Variants in RABGAP1L observed in about 807,000 individuals in gnomAD.
The protein encoded by RABGAP1L is RAB GTPase activating protein 1 like, also known as rab GTPase-activating protein 1-like.
RABGAP1L carries 63 observed loss-of-function variants against 137.7 expected under a neutral mutation model. The observed-to-expected ratio is 0.46, with a 90% CI of 0.37 to 0.56. The LOEUF (loss-of-function observed/expected upper bound fraction) is 0.56. Among genes scored for constraint, RABGAP1L ranks in the 20% least tolerant of loss-of-function variants. The probability of loss-of-function intolerance (pLI) is 0.00; values close to 1 mark genes in which losing one functional copy is unlikely to be tolerated. For synonymous variants in RABGAP1L, 431 were observed against 433.7 expected (o/e 0.99, Z 0.08); for missense variants, 1,095 against 1,244.0 (o/e 0.88, Z 1.80).
At chr1:174,291,296 C>G (rs1278268715) in intron 10 of RABGAP1L, among the ~76,000 whole-genome samples, 2 of 151,808 alleles carry the variant, frequency 1.3e-5, no homozygotes, top group East Asian at 3.9e-4. Context: ...GCCAACCTTG[C>G]ATTCCTTAGG....
intron 17 of RABGAP1L, among the ~76,000 whole-genome samples, chr1:174,712,250 T>C (rs1369726376): frequency 6.6e-6 from 1 of 152,202 alleles, no homozygotes; most frequent in South Asian, 2.1e-4. Context: ...CCTTCCGGAC[T>C]GTGGAAGCTT....
At chr1:174,295,626 C>T (rs529279311) in intron 10 of RABGAP1L, among the ~76,000 whole-genome samples, 1 of 151,648 alleles carries the variant, frequency 6.6e-6, no homozygotes, top group South Asian at 2.1e-4. Flanking sequence ...CATTGTGATG[C>T]ACCTGCCTCG....
intron 12 of RABGAP1L, among the ~76,000 whole-genome samples, chr1:174,380,740 C>T (rs1489866345): frequency 8.5e-6 from 1 of 117,984 alleles, no homozygotes; most frequent in African/African-American, 3.3e-5. Context: ...AAAAAACCAG[C>T]TCCTGGATTC....
intron 19 of RABGAP1L, among the ~76,000 whole-genome samples, chr1:174,822,012 C>A (rs1462768739): frequency 6.6e-6 from 1 of 152,192 alleles, no homozygotes; most frequent in Non-Finnish European, 1.5e-5. Context: ...CCTGTAATCC[C>A]AGCCCTTTGG....
intron 13 of RABGAP1L, among the ~76,000 whole-genome samples, chr1:174,627,141 TAAA>T (rs1433489501): frequency 6.6e-6 from 1 of 152,110 alleles, no homozygotes; most frequent in Non-Finnish European, 1.5e-5. Context: ...TAGGGATTAA[TAAA>T]AAAAGATGCT....
At chr1:174,705,020 AAC>A (rs1487318079) in intron 17 of RABGAP1L, among the ~76,000 whole-genome samples, 1 of 152,138 alleles carries the variant, frequency 6.6e-6, no homozygotes, top group Non-Finnish European at 1.5e-5. Flanking sequence ...ATGACATTTT[AAC>A]AGTTTTTGAG....
chr1:174,984,981 ATG>A (rs1671462600), intron 24 of RABGAP1L, among the ~76,000 whole-genome samples: 1 of 152,330 alleles, frequency 6.6e-6, no homozygotes, highest in African/African-American at 2.4e-5. Context: ...ACAGAGACTG[ATG>A]TGATTAGAAT....
At chr1:174,311,655 G>T (rs1678863507) in intron 11 of RABGAP1L, among the ~76,000 whole-genome samples, 3 of 152,150 alleles carry the variant, frequency 2.0e-5, no homozygotes, top group African/African-American at 7.2e-5. Context: ...TGCCCAGGCT[G>T]GAGTGCAGTG....
chr1:174,620,396 T>A (rs990269475), intron 13 of RABGAP1L, among the ~76,000 whole-genome samples: 15 of 152,108 alleles, frequency 9.9e-5, no homozygotes, highest in Admixed American at 6.5e-4. Flanking sequence ...AAAGCACTCC[T>A]CAGCAAATGT....
intron 13 of RABGAP1L, among the ~76,000 whole-genome samples, chr1:174,449,684 A>G (rs964556585): frequency 6.6e-6 from 1 of 152,246 alleles, no homozygotes; most frequent in Non-Finnish European, 1.5e-5. Context: ...CTTTAATCAC[A>G]CTAATCTATA....
At chr1:174,688,185 C>G (rs1191835075) in intron 15 of RABGAP1L, among the ~76,000 whole-genome samples, 1 of 151,994 alleles carries the variant, frequency 6.6e-6, no homozygotes, top group African/African-American at 2.4e-5. Flanking sequence ...GTCTTTATCT[C>G]TTAGTCTTAA....
intron 5 of RABGAP1L, among the ~76,000 whole-genome samples, chr1:174,242,630 G>A (rs1162662556): frequency 6.6e-6 from 1 of 152,158 alleles, no homozygotes; most frequent in Non-Finnish European, 1.5e-5. Context: ...GTCAGTTCTT[G>A]TGCCCTGGTG....
chr1:174,769,343 C>G (rs1685929008), intron 18 of RABGAP1L, among the ~76,000 whole-genome samples: 1 of 151,832 alleles, frequency 6.6e-6, no homozygotes, highest in South Asian at 2.1e-4. Flanking sequence ...GTTGGTGGGT[C>G]CAGGTGGAGC....
At chr1:174,820,589 C>T (rs1690913955) in intron 19 of RABGAP1L, among the ~76,000 whole-genome samples, 1 of 152,000 alleles carries the variant, frequency 6.6e-6, no homozygotes, top group Non-Finnish European at 1.5e-5. Flanking sequence ...AGAAAAGGGC[C>T]TGGGAGAAGG....
At chr1:174,893,943 A>G (rs1022496049) in intron 19 of RABGAP1L, among the ~76,000 whole-genome samples, 4 of 152,202 alleles carry the variant, frequency 2.6e-5, no homozygotes, top group African/African-American at 7.2e-5. Context: ...AGGGAAGTGC[A>G]TTAAGGTACC....
chr1:174,483,440 C>G (rs1054177719), intron 13 of RABGAP1L, among the ~76,000 whole-genome samples: 3 of 152,346 alleles, frequency 2.0e-5, no homozygotes, highest in South Asian at 2.1e-4. Flanking sequence ...CTTCACGTTT[C>G]ATCCATGTTG....
In RABGAP1L at chr1:174,275,844, A is replaced by G. The variant is rs202068518; in HGVS notation, c.1065A>G (p.Gly355=). The change falls in exon 9 of 26, where the codon GGA becomes GGG. Residue 355 remains glycine (G), a synonymous_variant. Coordinates refer to ENST00000681986, the MANE Select transcript of RABGAP1L (RefSeq NM_001366446.1). The stretch of plus-strand genomic sequence containing the variant: ...TTGAATTTTTATAGGAATCCATGGG[A>G]AAGAGCTATGATGGGAGAGCTTATG... ...DMHLLDMESM[G]KSYDGRAYVI... is the part of the protein sequence containing the mutation. The G allele has an allele frequency of 9.5e-5, 153 of 1,610,042 alleles. 2 individuals carry two copies. In the Middle Eastern group the frequency reaches 5.3e-3, roughly 55 times the overall value.
intron 13 of RABGAP1L, among the ~76,000 whole-genome samples, chr1:174,577,351 T>C (rs2148072458): frequency 6.6e-6 from 1 of 151,704 alleles, no homozygotes; most frequent in South Asian, 2.1e-4. Context: ...TATAAATATG[T>C]ACATATAGTC....
At chr1:174,892,869 A>G (rs987193813) in intron 19 of RABGAP1L, among the ~76,000 whole-genome samples, 2 of 145,774 alleles carry the variant, frequency 1.4e-5, no homozygotes, top group Non-Finnish European at 3.0e-5. Context: ...AGCTGGGATT[A>G]CAGGCGCCCG....
Sources: gnomAD v4.1 joint callset for allele counts (sites outside exome capture counted in the v4.1 genomes callset) on GRCh38, gnomAD v4.1.1 for gene constraint, MANE v1.5 for transcripts, NCBI Gene and HGNC (gene_info 2026-07-23, HGNC 2026-07-21) for gene names.